Variants in RGS3 observed in about 807,000 individuals in gnomAD.
RGS3 encodes regulator of G-protein signalling 3.
A neutral mutation model predicts 132.6 loss-of-function variants in RGS3; 80 were observed. That is an observed-to-expected ratio of 0.60 (90% CI 0.50 to 0.73). The LOEUF (loss-of-function observed/expected upper bound fraction) is 0.73, where lower values mean the gene tolerates loss of function less well. Among genes scored for constraint, RGS3 ranks in the 30% least tolerant of loss-of-function variants. The probability of loss-of-function intolerance (pLI) is 0.00; values close to 1 mark genes in which losing one functional copy is unlikely to be tolerated. For synonymous variants in RGS3, 598 were observed against 620.6 expected (o/e 0.96, Z 0.54); for missense variants, 1,382 against 1,530.8 (o/e 0.90, Z 1.62).
chr9:113,481,981 G>C (rs1226930223), intron 4 of RGS3, among the ~76,000 whole-genome samples: 1 of 151,806 alleles, frequency 6.6e-6, no homozygotes, highest in Admixed American at 6.6e-5. Context: ...GGGAGGTGGA[G>C]GTTGCAGTGA....
intron 19 of RGS3, chr9:113,541,357 G>A: frequency 6.2e-7 from 1 of 1,613,786 alleles, no homozygotes; most frequent in Non-Finnish European, 8.5e-7. Context: ...CAGGAGATGG[G>A]GCCGGTCAAC....
chr9:113,479,228 C>G (rs891406951), intron 3 of RGS3: 1 of 486,308 alleles, frequency 2.1e-6, no homozygotes, highest in Non-Finnish European at 3.7e-6. Flanking sequence ...ACCTGGCTGC[C>G]TGTACAGTAG....
intron 18 of RGS3, chr9:113,536,530 C>T: frequency 8.0e-7 from 1 of 1,243,892 alleles, no homozygotes; most frequent in Non-Finnish European, 1.0e-6. Flanking sequence ...TCTCCACAGG[C>T]CTCTGCTGTG....
intron 4 of RGS3, among the ~76,000 whole-genome samples, chr9:113,479,816 C>T (rs1036954340): frequency 6.6e-6 from 1 of 152,168 alleles, no homozygotes; most frequent in African/African-American, 2.4e-5. Flanking sequence ...CCTTCTTGGC[C>T]CCAGCAGAGC....
chr9:113,532,476 G>C (rs1832511784), intron 18 of RGS3, among the ~76,000 whole-genome samples: 1 of 152,142 alleles, frequency 6.6e-6, no homozygotes, highest in South Asian at 2.1e-4. Context: ...GGGTCCTCTA[G>C]TATTACAGCT....
At chr9:113,584,864 C>A (rs1409350303) in intron 20 of RGS3, among the ~76,000 whole-genome samples, 1 of 152,256 alleles carries the variant, frequency 6.6e-6, no homozygotes, top group Middle Eastern at 3.2e-3. Context: ...TTAACTCTCA[C>A]AACAGCCCTT....
chr9:113,478,162 C>T (rs539091149), intron 3 of RGS3, among the ~76,000 whole-genome samples: 66 of 152,200 alleles, frequency 4.3e-4, no homozygotes, highest in African/African-American at 1.2e-3. Flanking sequence ...TCATTCTTGC[C>T]CTGCCTTCCA....
At chr9:113,524,020 A>T (rs1832086861) in intron 17 of RGS3, among the ~76,000 whole-genome samples, 1 of 152,172 alleles carries the variant, frequency 6.6e-6, no homozygotes, top group Non-Finnish European at 1.5e-5. Flanking sequence ...GGGAAAAGCA[A>T]GTCACCTCAC....
intron 20 of RGS3, among the ~76,000 whole-genome samples, chr9:113,588,550 A>G (rs1835244742): frequency 6.6e-6 from 1 of 152,218 alleles, no homozygotes; most frequent in South Asian, 2.1e-4. Flanking sequence ...CCAGTTATCA[A>G]ACTGCCCTGG....
intron 21 of RGS3, chr9:113,592,952 TCTTATTGACCTTACC>T (rs1202013214): frequency 6.6e-6 from 1 of 152,268 alleles, no homozygotes; most frequent in Non-Finnish European, 1.5e-5. Flanking sequence ...TTCTGTTCTT[TCTTATTGACCTTACC>T]CTTATTTTAC....
At chr9:113,482,490 C>T (rs766958627) in intron 4 of RGS3, among the ~76,000 whole-genome samples, 1 of 152,216 alleles carries the variant, frequency 6.6e-6, no homozygotes, top group Non-Finnish European at 1.5e-5. Flanking sequence ...CTTGTGACTC[C>T]TGTGCTGTGC....
upstream of RGS3, among the ~76,000 whole-genome samples, chr9:113,460,080 C>T (rs977092685): frequency 2.0e-5 from 3 of 150,266 alleles, no homozygotes; most frequent in African/African-American, 7.3e-5. Flanking sequence ...TTGGCTTTCT[C>T]TTCCCTAAAC....
At chr9:113,551,188 C>T (rs1833323480) in intron 19 of RGS3, among the ~76,000 whole-genome samples, 1 of 152,172 alleles carries the variant, frequency 6.6e-6, no homozygotes. Flanking sequence ...GTAGATTTGC[C>T]TATATTGGAC....
chr9:113,453,019 T>TATATATA (rs1186343130), intron 1 of RGS3, among the ~76,000 whole-genome samples: 1 of 132,368 alleles, frequency 7.6e-6, no homozygotes, highest in Non-Finnish European at 1.6e-5. Flanking sequence ...TATTATATTT[T>TATATATA]ATATATAATA....
chr9:113,457,745 CT>C (rs1418998796), upstream of RGS3, among the ~76,000 whole-genome samples: 4 of 152,170 alleles, frequency 2.6e-5, no homozygotes, highest in Non-Finnish European at 5.9e-5. Context: ...AATACAAATG[CT>C]TGAACTTTCT....
At chr9:113,482,035 A>G (rs1830176227) in intron 4 of RGS3, among the ~76,000 whole-genome samples, 1 of 150,812 alleles carries the variant, frequency 6.6e-6, no homozygotes, top group Non-Finnish European at 1.5e-5. Flanking sequence ...AACAAGTGCG[A>G]AACTCCATCT....
At chr9:113,581,038 G>GGCC in intron 19 of RGS3, 1 of 145,840 alleles carries the variant, frequency 6.9e-6, no homozygotes, top group Non-Finnish European at 1.5e-5. Context: ...GGGTCGGGGG[G>GGCC]AGGTCTGGCC....
chr9:113,525,428 C>T (rs1253235503), intron 17 of RGS3, among the ~76,000 whole-genome samples: 4 of 152,140 alleles, frequency 2.6e-5, no homozygotes, highest in African/African-American at 4.8e-5. Context: ...GTCCTGGCGT[C>T]CAATTTCCTG....
chr9:113,582,175 C>T, intron 19 of RGS3: 1 of 985,500 alleles, frequency 1.0e-6, no homozygotes, highest in Non-Finnish European at 1.2e-6. Context: ...TACAGACTCC[C>T]CAGGGCTTCA....
Sources: allele counts gnomAD v4.1 joint callset (sites outside exome capture counted in the v4.1 genomes callset), GRCh38; gene constraint gnomAD v4.1.1; transcripts MANE v1.5; gene names NCBI Gene and HGNC (gene_info 2026-07-23, HGNC 2026-07-21).